THEMIS: variants seen among roughly 807,000 people sequenced by gnomAD.
THEMIS encodes thymocyte selection associated.
In THEMIS, 37 loss-of-function variants were observed where a neutral mutation model predicts 52.6. The observed-to-expected ratio is 0.70, with a 90% CI of 0.54 to 0.93. THEMIS has a LOEUF of 0.93. Among genes scored for constraint, THEMIS ranks in the 40% least tolerant of loss-of-function variants. The pLI, the probability that THEMIS is intolerant of heterozygous loss-of-function variation, is 0.00. For synonymous variants in THEMIS, 292 were observed against 272.7 expected, an observed-to-expected ratio of 1.07 and a Z score of -0.70; for missense variants, 808 against 763.1, an observed-to-expected ratio of 1.06 and a Z score of -0.69.
At chr6:127,775,636 GC>G (rs1460401185) in intron 4 of THEMIS, among the ~76,000 whole-genome samples, 1 of 149,652 alleles carries the variant, frequency 6.7e-6, no homozygotes, top group Admixed American at 6.6e-5. Context: ...ATTATTTCAT[GC>G]TTTTTTTTTT....
chr6:127,722,466 C>T (rs1357338221), intron 4 of THEMIS, among the ~76,000 whole-genome samples: 1 of 151,962 alleles, frequency 6.6e-6, no homozygotes, highest in Admixed American at 6.6e-5. Flanking sequence ...CTTCCCTCTC[C>T]CCTTTCCTAT....
chr6:127,908,577 C>T (rs1455636588), intron 1 of THEMIS, among the ~76,000 whole-genome samples: 1 of 152,086 alleles, frequency 6.6e-6, no homozygotes, highest in Non-Finnish European at 1.5e-5. Flanking sequence ...ATGAATTATG[C>T]CCTGACATTT....
Position 127,771,312 on chromosome 6 carries a change from C to T in THEMIS, c.1758+41571G>A, listed in dbSNP as rs149804517. Among the ~76,000 whole-genome samples, 96 of 152,176 alleles carry T rather than the reference C, an allele frequency of 6.3e-4. No individual in the cohort carries two copies. The East Asian group carries it at 0.018, about 29-fold the overall frequency. On this transcript the variant is annotated intron_variant, in intron 4 of 5. Transcript: ENST00000368248. ...TTCCATGCTCATGGATAGGAAGAAT[C>T]AGTATCATGAAAATGGCCATACTGC...
In THEMIS at chr6:127,812,998, C is replaced by A. The variant is rs780704106; in HGVS notation, c.1643G>T (p.Ser548Ile). ...GCGAGGTGGGGGATGTGAGGCTGAG[C>A]TTTCATATCTCCGCATCATGTAATA... ...EQYYMMRRYE[S>I]SASHPPPRPP... is the part of the protein sequence containing the mutation. Residue 548 changes from serine to isoleucine, a missense_variant, in exon 4 of 6, where the codon AGC becomes ATC. Coordinates refer to ENST00000368248, the MANE Select transcript of THEMIS (RefSeq NM_001010923.3). 1.2e-6 allele frequency: 2 copies of A among 1,613,918 alleles called. No individual in the cohort carries two copies. The highest frequency in any genetic ancestry group is 2.7e-5 in the African/African-American group (2 of 74,892).
intron 4 of THEMIS, among the ~76,000 whole-genome samples, chr6:127,757,101 G>C (rs1425556899): frequency 6.6e-6 from 1 of 151,984 alleles, no homozygotes. Flanking sequence ...GCCACATGTG[G>C]TCATTAAACT....
chr6:127,715,320 C>T lies in THEMIS; in HGVS notation c.1894+4368G>A, dbSNP rs72965745. ...TTTAAATCATTGGTTAAAAATTATACGATATTTTAAATAACAGGTTTTCTA... is the reference window on the plus strand; with the variant it reads ...TTTAAATCATTGGTTAAAAATTATATGATATTTTAAATAACAGGTTTTCTA... On this transcript the variant is annotated intron_variant, in intron 5 of 5. Coordinates refer to ENST00000368248, the MANE Select transcript of THEMIS (RefSeq NM_001010923.3). Among the ~76,000 whole-genome samples, 226 of 151,760 alleles carry T rather than the reference C, an allele frequency of 1.5e-3. 1 individual carries two copies. Among genetic ancestry groups the T allele is most frequent in the African/African-American group, 3.0e-3 (124 of 41,432 alleles).
At chr6:127,765,265 G>A (rs1340727766) in intron 4 of THEMIS, among the ~76,000 whole-genome samples, 1 of 152,010 alleles carries the variant, frequency 6.6e-6, no homozygotes. Context: ...GTTGCCTACT[G>A]TCTGGGAAGT....
rs186201919 is a variant in THEMIS, at chr6:127,827,757, T to C, written c.709+1719A>G. Among the ~76,000 whole-genome samples, 14 of 152,308 alleles carry C rather than the reference T, an allele frequency of 9.2e-5. 1 individual carries two copies. The highest frequency in any genetic ancestry group is 2.4e-4 in the African/African-American group (10 of 41,570). On this transcript the variant is annotated intron_variant, in intron 3 of 5. Coordinates refer to ENST00000368248, the MANE Select transcript of THEMIS (RefSeq NM_001010923.3). ...CAACTATGATTCTCTGTCTTTCCCA[T>C]TGATGTCTCTACTGTATAAATTTCC... is the stretch of plus-strand genomic sequence containing the variant.
In THEMIS at chr6:127,816,414, C is replaced by T. The variant is rs1032720046; in HGVS notation, c.710-2483G>A. On this transcript the variant is annotated intron_variant, in intron 3 of 5. Coordinates refer to ENST00000368248, the MANE Select transcript of THEMIS (RefSeq NM_001010923.3). ...TGTCTACTTCAGATCTCCACTTGGA[C>T]ATCTAATAGATGTCTCAAAATTAAC... is the stretch of plus-strand genomic sequence containing the variant. Among the ~76,000 whole-genome samples, 5 of 152,166 alleles carry T rather than the reference C, an allele frequency of 3.3e-5. No individual in the cohort carries two copies. In the South Asian group the frequency reaches 1.0e-3, roughly 32 times the overall value.
chr6:127,860,945 G>A (rs1779779142), intron 1 of THEMIS, among the ~76,000 whole-genome samples: 1 of 152,132 alleles, frequency 6.6e-6, no homozygotes, highest in African/African-American at 2.4e-5. Flanking sequence ...GGCTCATTGA[G>A]TAAACATTAT....
chr6:127,728,834 A>C (rs775126448), intron 4 of THEMIS, among the ~76,000 whole-genome samples: 6 of 152,190 alleles, frequency 3.9e-5, no homozygotes, highest in Admixed American at 1.3e-4. Flanking sequence ...GACAAGGTAA[A>C]GTAGGGCAAG....
chr6:127,704,766 T>C (rs1401544661), downstream of THEMIS, among the ~76,000 whole-genome samples: 1 of 152,200 alleles, frequency 6.6e-6, no homozygotes, highest in African/African-American at 2.4e-5. Flanking sequence ...AATGAGTGAC[T>C]GATGAAGCAC....
intron 2 of THEMIS, among the ~76,000 whole-genome samples, chr6:127,851,416 G>C (rs1779420784): frequency 6.6e-6 from 1 of 151,432 alleles, no homozygotes; most frequent in East Asian, 1.9e-4. Flanking sequence ...CCACGGAATG[G>C]GAGAAAATAT....
chr6:127,813,965 T>G, intron 3 of THEMIS, 34 bp from the exon 4 acceptor site: 1 of 1,500,698 alleles, frequency 6.7e-7, no homozygotes. Flanking sequence ...ATGATATTTT[T>G]GTACTTCAAA....
chr6:127,813,366 C>A lies in THEMIS; in HGVS notation c.1275G>T (p.Leu425=), dbSNP rs1197745825. Residue 425 remains leucine (L), a synonymous_variant, in exon 4 of 6, where the codon CTG becomes CTT. Transcript: ENST00000368248. ...AACCTCCTTCCATGTACAAAGGGAG[C>A]AGCGCAGCCTCATAGGACTTTTTGA... ...KILKKSYEAA[L]LPLYMEGGFV... 4.1e-5 allele frequency: 66 copies of A among 1,613,886 alleles called. No individual in the cohort carries two copies. The highest frequency in any genetic ancestry group is 5.5e-5 in the Non-Finnish European group (65 of 1,179,980).
upstream of THEMIS, among the ~76,000 whole-genome samples, chr6:127,905,050 G>A (rs928799432): frequency 8.6e-5 from 13 of 152,002 alleles, no homozygotes; most frequent in African/African-American, 2.9e-4. Context: ...GTCCCAACGT[G>A]AGAGGAGAAA....
chr6:127,763,519 C>CA (rs200267552), intron 4 of THEMIS, among the ~76,000 whole-genome samples: 8 of 151,020 alleles, frequency 5.3e-5, no homozygotes, highest in African/African-American at 9.7e-5. Context: ...AAAAACAAAC[C>CA]AAAAAAAAGG....
At chr6:127,914,486 A>C (rs543823537) in intron 1 of THEMIS, among the ~76,000 whole-genome samples, 77 of 152,302 alleles carry the variant, frequency 5.1e-4, no homozygotes, top group African/African-American at 1.8e-3. Context: ...ACACAAACCT[A>C]GGTGTGTACT....
chr6:127,908,873 A>G (rs1326168939), intron 1 of THEMIS, among the ~76,000 whole-genome samples: 1 of 151,756 alleles, frequency 6.6e-6, no homozygotes, highest in Non-Finnish European at 1.5e-5. Context: ...TTGCGTTTTG[A>G]TGTGCTAACA....
Sources: gnomAD v4.1 joint callset for allele counts (sites outside exome capture counted in the v4.1 genomes callset) on GRCh38, gnomAD v4.1.1 for gene constraint, MANE v1.5 for transcripts, NCBI Gene and HGNC (gene_info 2026-07-23, HGNC 2026-07-21) for gene names.